Variants in ERCC6L2 observed in about 807,000 individuals in gnomAD.
The protein encoded by ERCC6L2 is ERCC excision repair 6 like 2.
A neutral mutation model predicts 132.0 loss-of-function variants in ERCC6L2; 77 were observed. The observed-to-expected ratio is 0.58, with a 90% CI of 0.49 to 0.71. The LOEUF is 0.71. ERCC6L2 is among the 30% of genes least tolerant of loss of function. The probability of loss-of-function intolerance (pLI) is 0.00; values close to 1 mark genes in which losing one functional copy is unlikely to be tolerated. For synonymous variants in ERCC6L2, 583 were observed against 632.4 expected (o/e 0.92, Z 1.17); for missense variants, 1,542 against 1,837.6 (o/e 0.84, Z 2.94).
chr9:95,987,840 T>C (rs1833153620), intron 17 of ERCC6L2, among the ~76,000 whole-genome samples: 1 of 152,234 alleles, frequency 6.6e-6, no homozygotes, highest in Non-Finnish European at 1.5e-5. Context: ...GCCCCACCCC[T>C]GCAGCAAACG....
At chr9:96,021,739 G>T (rs948122772), downstream of ERCC6L2, 1 of 151,594 alleles carries the variant, frequency 6.6e-6, no homozygotes, top group African/African-American at 2.4e-5. The surrounding 1 kb of genome is among the most constrained non-coding windows in gnomAD (Gnocchi z 4.7). Flanking sequence ...TCCCGCGCGC[G>T]TCGCGCCGAG....
intron 3 of ERCC6L2, among the ~76,000 whole-genome samples, chr9:95,899,296 A>G (rs1425971813): frequency 6.6e-6 from 1 of 152,004 alleles, no homozygotes; most frequent in Non-Finnish European, 1.5e-5. Context: ...CTAAAAATAC[A>G]GAAAATTAGT....
intron 12 of ERCC6L2, 54 bp downstream of exon 12, chr9:95,941,603 A>T: frequency 7.6e-7 from 1 of 1,311,690 alleles, no homozygotes; most frequent in South Asian, 1.2e-5. Flanking sequence ...ATCTAAAAAT[A>T]CTCTTGAACT....
At chr9:96,029,004 G>A (rs1480294937) in intron 19 of ERCC6L2, among the ~76,000 whole-genome samples, 1 of 152,120 alleles carries the variant, frequency 6.6e-6, no homozygotes, top group Admixed American at 6.5e-5. Context: ...AACCTATGTT[G>A]TTAGAAGTTA....
chr9:95,932,331 T>C (rs1290851462), intron 11 of ERCC6L2, among the ~76,000 whole-genome samples: 1 of 152,164 alleles, frequency 6.6e-6, no homozygotes, highest in African/African-American at 2.4e-5. Flanking sequence ...CCCACAGTGC[T>C]GGGATTATAG....
chr9:96,011,195 G>A (rs923205385), intron 18 of ERCC6L2, among the ~76,000 whole-genome samples: 2 of 152,218 alleles, frequency 1.3e-5, no homozygotes, highest in Non-Finnish European at 2.9e-5. Flanking sequence ...GAAGTTAGCT[G>A]ATTCAGTTTC....
At chr9:96,027,869 C>T (rs1043511120) in intron 19 of ERCC6L2, 1 of 152,500 alleles carries the variant, frequency 6.6e-6, no homozygotes, top group Admixed American at 6.5e-5. Flanking sequence ...AGGCCCGGGA[C>T]TTACATTCCC....
chr9:95,900,882 T>A (rs771462078), intron 3 of ERCC6L2, among the ~76,000 whole-genome samples: 11 of 152,228 alleles, frequency 7.2e-5, no homozygotes, highest in Non-Finnish European at 1.3e-4. Context: ...TTTCTCTTTG[T>A]GTTCATACCA....
chr9:95,896,791 G>A (rs1001885381), intron 2 of ERCC6L2, among the ~76,000 whole-genome samples: 8 of 152,210 alleles, frequency 5.3e-5, no homozygotes, highest in African/African-American at 1.7e-4. Flanking sequence ...ACATTTTGCT[G>A]TCTCAAGCAC....
At chr9:95,966,916 A>G (rs1327653038) in intron 14 of ERCC6L2, 12 of 380,158 alleles carry the variant, frequency 3.2e-5, no homozygotes, top group Non-Finnish European at 5.1e-5. Flanking sequence ...CATAATTACA[A>G]ATAATGCACA....
chr9:95,928,239 G>GCGA, intron 10 of ERCC6L2, 89 bp downstream of exon 10: 1 of 821,198 alleles, frequency 1.2e-6, no homozygotes, highest in South Asian at 1.8e-5. Context: ...ACACCTTACA[G>GCGA]CCACATTTTC....
intron 19 of ERCC6L2, among the ~76,000 whole-genome samples, chr9:96,036,924 G>T (rs973463531): frequency 6.7e-5 from 10 of 150,264 alleles, no homozygotes; most frequent in African/African-American, 2.4e-4. Context: ...CCGCCACTAC[G>T]CCCGGCTAAT....
At chr9:95,900,429 C>T (rs1206262775) in intron 3 of ERCC6L2, among the ~76,000 whole-genome samples, 1 of 151,494 alleles carries the variant, frequency 6.6e-6, no homozygotes, top group African/African-American at 2.4e-5. Flanking sequence ...TGTCTGTGTT[C>T]TATAGTTTTT....
At chr9:95,995,234 A>C (rs911777163) in intron 17 of ERCC6L2, among the ~76,000 whole-genome samples, 19 of 152,242 alleles carry the variant, frequency 1.2e-4, no homozygotes, top group African/African-American at 4.6e-4. Context: ...GAGCCTTTCA[A>C]TAAATATCAT....
chr9:95,899,224 C>A (rs559200537), intron 3 of ERCC6L2, among the ~76,000 whole-genome samples: 2 of 151,954 alleles, frequency 1.3e-5, no homozygotes, highest in Admixed American at 6.6e-5. Flanking sequence ...CCAAGGAAGG[C>A]GAATTGCTTG....
intron 4 of ERCC6L2, among the ~76,000 whole-genome samples, chr9:95,909,188 TC>T: frequency 6.6e-6 from 1 of 152,196 alleles, no homozygotes; most frequent in East Asian, 1.9e-4. Flanking sequence ...GTAAACTTTT[TC>T]TGTAAAGGGC....
intron 15 of ERCC6L2, 95 bp downstream of exon 15, chr9:95,970,751 T>TAA (rs113625132): frequency 9.0e-4 from 640 of 714,902 alleles, no homozygotes; most frequent in South Asian, 1.5e-3. Context: ...TTATAACCTG[T>TAA]AAAAAAAAAA....
intron 9 of ERCC6L2, among the ~76,000 whole-genome samples, chr9:95,927,843 A>G (rs1830166732): frequency 6.6e-6 from 1 of 152,190 alleles, no homozygotes; most frequent in Non-Finnish European, 1.5e-5. Flanking sequence ...GATGAGATGA[A>G]ATAAAAGTCT....
chr9:95,999,170 C>G (rs1259348662), intron 17 of ERCC6L2, among the ~76,000 whole-genome samples: 2 of 152,098 alleles, frequency 1.3e-5, no homozygotes, highest in Non-Finnish European at 2.9e-5. Context: ...ACCATCCTGG[C>G]TAACAGGGTG....
Sources: gnomAD v4.1 joint callset for allele counts (sites outside exome capture counted in the v4.1 genomes callset) on GRCh38, gnomAD v4.1.1 for gene constraint, Gnocchi (gnomAD v3.1) non-coding constraint, MANE v1.5 for transcripts, NCBI Gene and HGNC (gene_info 2026-07-23, HGNC 2026-07-21) for gene names.